The following MBD5 variants were observed in gnomAD, a reference collection of about 807,000 sequenced individuals.
The protein encoded by MBD5 is methyl-CpG-binding domain protein 5.
MBD5 carries 13 observed loss-of-function variants against 117.3 expected under a neutral mutation model. That is an observed-to-expected ratio of 0.11 (90% confidence interval 0.07 to 0.18). MBD5 has a LOEUF of 0.18. MBD5 is among the 10% of genes least tolerant of loss of function. The pLI is 1.00. For synonymous variants in MBD5, 727 were observed against 766.4 expected (o/e 0.95, Z 0.85); for missense variants, 1,879 against 2,093.8 (o/e 0.90, Z 2.00).
intron 3 of MBD5, among the ~76,000 whole-genome samples, chr2:148,291,558 A>G (rs942155892): frequency 1.3e-5 from 2 of 152,200 alleles, no homozygotes; most frequent in African/African-American, 2.4e-5. Context: ...GCAAAAGAAA[A>G]TGATTGATTT....
At chr2:148,440,712 A>T (rs889068644) in intron 4 of MBD5, among the ~76,000 whole-genome samples, 1 of 152,232 alleles carries the variant, frequency 6.6e-6, no homozygotes, top group Non-Finnish European at 1.5e-5. Context: ...AAGATAAGGG[A>T]TGTGTGTATA....
intron 5 of MBD5, 116 bp downstream of exon 5, chr2:148,458,987 C>A: frequency 1.2e-6 from 1 of 845,504 alleles, no homozygotes; most frequent in Non-Finnish European, 2.0e-6. Context: ...GACCTTTGTG[C>A]TAGAAACATA....
intron 1 of MBD5, chr2:148,056,181 A>G (rs1214444929): frequency 6.6e-6 from 1 of 152,094 alleles, no homozygotes; most frequent in Admixed American, 6.5e-5. Flanking sequence ...TGTCTTTTGT[A>G]CATTTTTTTA....
At chr2:148,156,040 A>G (rs1697864394) in intron 1 of MBD5, among the ~76,000 whole-genome samples, 1 of 152,250 alleles carries the variant, frequency 6.6e-6, no homozygotes, top group South Asian at 2.1e-4. Context: ...CTGTTACCAG[A>G]TACAGCATAG....
chr2:148,357,545 G>A (rs1703416516), intron 4 of MBD5, among the ~76,000 whole-genome samples: 1 of 151,366 alleles, frequency 6.6e-6, no homozygotes, highest in South Asian at 2.1e-4. Flanking sequence ...TGAATTTTAA[G>A]TGGGTACTCT....
intron 1 of MBD5, among the ~76,000 whole-genome samples, chr2:148,114,590 G>A (rs966187097): frequency 6.6e-6 from 1 of 152,194 alleles, no homozygotes; most frequent in Non-Finnish European, 1.5e-5. Context: ...AGTAAGGGGT[G>A]TGGCTGGTTT....
At chr2:148,321,018 CTA>C (rs1032698526) in intron 3 of MBD5, among the ~76,000 whole-genome samples, 2 of 151,976 alleles carry the variant, frequency 1.3e-5, no homozygotes, top group African/African-American at 2.4e-5. Flanking sequence ...TGAAGGGAAA[CTA>C]AAAAAATTTT....
intron 5 of MBD5, among the ~76,000 whole-genome samples, chr2:148,461,866 C>T (rs147844256): frequency 1.3e-3 from 203 of 152,280 alleles, no homozygotes; most frequent in Middle Eastern, 3.4e-3. Context: ...AGTACCTACA[C>T]GATTATTAGC....
At chr2:148,119,276 T>C (rs1696709856) in intron 1 of MBD5, among the ~76,000 whole-genome samples, 2 of 152,196 alleles carry the variant, frequency 1.3e-5, no homozygotes, top group African/African-American at 2.4e-5. Context: ...ATATTTAACA[T>C]CTTTTTCTGT....
chr2:148,462,726 T>C (rs1005146681), intron 6 of MBD5, 42 bp downstream of exon 6: 4 of 1,301,972 alleles, frequency 3.1e-6, no homozygotes, highest in Non-Finnish European at 3.3e-6. Flanking sequence ...TTTTATTTTT[T>C]AGGTATTTTG....
rs370974525 is a variant in MBD5, at chr2:148,221,802, C to T, written c.-830-11443C>T. 1.6e-4 allele frequency among the ~76,000 whole-genome samples: 25 copies of T among 152,018 alleles called. 2 individuals are homozygous for T. Among genetic ancestry groups the T allele is most frequent in the African/African-American group, 4.6e-4 (19 of 41,502 alleles). On this transcript the variant is annotated intron_variant, in intron 2 of 13. Coordinates refer to ENST00000642680, the MANE Select transcript of MBD5 (RefSeq NM_001378120.1). ...TATTTTTGTTTTGATTGCCTGTGCTCGTAGGGTATTACTCAATAAATTTTT... is the reference window on the plus strand; with the variant it reads ...TATTTTTGTTTTGATTGCCTGTGCTTGTAGGGTATTACTCAATAAATTTTT...
intron 3 of MBD5, among the ~76,000 whole-genome samples, chr2:148,251,072 G>A (rs1314304288): frequency 1.3e-5 from 2 of 151,796 alleles, no homozygotes; most frequent in Non-Finnish European, 2.9e-5. Context: ...TAGTGCTATA[G>A]GTACTAAAAA....
intron 1 of MBD5, among the ~76,000 whole-genome samples, chr2:148,040,859 A>T (rs1381709987): frequency 6.6e-6 from 1 of 152,096 alleles, no homozygotes; most frequent in Admixed American, 6.6e-5. Flanking sequence ...TTGAGGGTGG[A>T]GGCCCTGGTA....
chr2:148,084,848 ACT>A (rs1444139077), intron 1 of MBD5, among the ~76,000 whole-genome samples: 6 of 151,730 alleles, frequency 4.0e-5, no homozygotes, highest in African/African-American at 1.2e-4. Context: ...CCACTCCCTA[ACT>A]CTGTACCTCT....
At chr2:148,368,817 T>C (rs963014360) in intron 4 of MBD5, among the ~76,000 whole-genome samples, 28 of 152,040 alleles carry the variant, frequency 1.8e-4, no homozygotes, top group African/African-American at 6.5e-4. Flanking sequence ...AGTTAGAAAA[T>C]GATTTTATAA....
At chr2:148,326,395 G>A (rs932936291) in intron 3 of MBD5, among the ~76,000 whole-genome samples, 2 of 151,984 alleles carry the variant, frequency 1.3e-5, no homozygotes, top group Admixed American at 1.3e-4. Context: ...TATCCTTGTT[G>A]ACTTTCTGTC....
chr2:148,438,454 G>T (rs1706219323), intron 4 of MBD5, among the ~76,000 whole-genome samples: 1 of 152,084 alleles, frequency 6.6e-6, no homozygotes, highest in Non-Finnish European at 1.5e-5. Context: ...AAGTAGCCTT[G>T]TACACTTACC....
chr2:148,300,348 C>T (rs112738464), intron 3 of MBD5, among the ~76,000 whole-genome samples: 3 of 152,222 alleles, frequency 2.0e-5, no homozygotes, highest in Admixed American at 6.5e-5. Flanking sequence ...CCATTGCGCC[C>T]GGGCATGGGG....
chr2:148,218,583 T>A (rs1388510982), intron 2 of MBD5, among the ~76,000 whole-genome samples: 1 of 152,190 alleles, frequency 6.6e-6, no homozygotes, highest in Non-Finnish European at 1.5e-5. Context: ...GGCAATTTCC[T>A]CATTGTGTGA....
Sources: gnomAD v4.1 joint callset for allele counts (sites outside exome capture counted in the v4.1 genomes callset) on GRCh38, gnomAD v4.1.1 for gene constraint, MANE v1.5 for transcripts, NCBI Gene and HGNC (gene_info 2026-07-23, HGNC 2026-07-21) for gene names.